HLCS: variants seen among roughly 807,000 people sequenced by gnomAD.
HLCS encodes the protein biotin--protein ligase.
A neutral mutation model predicts 75.0 loss-of-function variants in HLCS; 53 were observed. The ratio of observed to expected loss-of-function variants is 0.71; its 90% CI spans 0.57 to 0.89. The LOEUF is 0.89. HLCS is among the 40% of genes least tolerant of loss of function. The pLI is 0.00. For synonymous variants in HLCS, 431 were observed against 428.6 expected (o/e 1.01, Z -0.07); for missense variants, 966 against 1,074.0 (o/e 0.90, Z 1.41).
At chr21:36,882,864 A>C (rs2064290250) in intron 6 of HLCS, among the ~76,000 whole-genome samples, 1 of 152,172 alleles carries the variant, frequency 6.6e-6, no homozygotes, top group African/African-American at 2.4e-5. Flanking sequence ...CTCTGGAACC[A>C]AAGGGCAAAG....
At chr21:36,853,940 TAA>T (rs1454966131) in intron 6 of HLCS, among the ~76,000 whole-genome samples, 1 of 152,180 alleles carries the variant, frequency 6.6e-6, no homozygotes, top group Non-Finnish European at 1.5e-5. Context: ...GAGTGATTAA[TAA>T]AAGACTTTTC....
chr21:36,750,688 T>C lies in HLCS; in HGVS notation c.*3558A>G, dbSNP rs1046786605. Among the ~76,000 whole-genome samples, 1 of 151,364 alleles carries C rather than the reference T, an allele frequency of 6.6e-6. No homozygotes were observed. Among genetic ancestry groups the C allele is most frequent in the African/African-American group, 2.4e-5 (1 of 41,124 alleles). On this transcript the variant is annotated 3_prime_UTR_variant, in exon 11 of 11. Coordinates refer to ENST00000674895, the MANE Select transcript of HLCS (RefSeq NM_001352514.2). ...ATGAGATACAAAGAACATTTGCAAATAAATGCCATAAAATTACAGTAGCTT... is the reference window on the plus strand; with the variant it reads ...ATGAGATACAAAGAACATTTGCAAACAAATGCCATAAAATTACAGTAGCTT...
chr21:36,814,772 G>T (rs187216188), intron 6 of HLCS, among the ~76,000 whole-genome samples: 1 of 152,144 alleles, frequency 6.6e-6, no homozygotes, highest in Non-Finnish European at 1.5e-5. Context: ...GGATAGGGTC[G>T]TGGAGTCTGG....
chr21:36,961,509 C>T (rs991971975), intron 2 of HLCS, among the ~76,000 whole-genome samples: 1 of 151,972 alleles, frequency 6.6e-6, no homozygotes, highest in Non-Finnish European at 1.5e-5. Flanking sequence ...CACAATAAGA[C>T]CCTGTCTGAA....
Position 36,765,127 on chromosome 21 carries a change from G to A in HLCS, c.2006C>T (p.Ser669Phe). ...VWLSPVGCAL[S>F]TLLISIPLRS... Reference sequence around the variant, plus strand: ...CAGTGGAATGGAGATGAGCAGAGTAGAAAGAGCACATCCCACAGGGCTCAG... The same window carrying A: ...CAGTGGAATGGAGATGAGCAGAGTAAAAAGAGCACATCCCACAGGGCTCAG... The change falls in exon 8 of 11, where the codon TCT becomes TTT. Residue 669 changes from serine to phenylalanine, a missense_variant. By Grantham distance (155) the Ser-to-Phe change is radical. Transcript: ENST00000674895. 1.2e-6 allele frequency: 2 copies of A among 1,614,174 alleles called. No homozygotes were observed. The highest frequency in any genetic ancestry group is 1.7e-6 in the Non-Finnish European group (2 of 1,179,992).
chr21:36,883,734 C>A (rs182308205), intron 6 of HLCS, among the ~76,000 whole-genome samples: 30 of 152,300 alleles, frequency 2.0e-4, no homozygotes, highest in African/African-American at 7.0e-4. Flanking sequence ...TTGGTGGCCA[C>A]CCCACTCCGT....
intron 6 of HLCS, among the ~76,000 whole-genome samples, chr21:36,813,139 T>C (rs74570064): frequency 0.013 from 2,034 of 152,326 alleles, 37 homozygotes; most frequent in African/African-American, 0.046. Context: ...TTTGCAAATA[T>C]GTAAACTGCA....
chr21:36,978,690 G>C (rs1218849719), intron 1 of HLCS, among the ~76,000 whole-genome samples: 1 of 152,160 alleles, frequency 6.6e-6, no homozygotes, highest in Non-Finnish European at 1.5e-5. Flanking sequence ...GTGCGAAGCT[G>C]GCAGGACTGA....
intron 6 of HLCS, among the ~76,000 whole-genome samples, chr21:36,826,026 TA>T (rs1226080360): frequency 6.6e-6 from 1 of 150,452 alleles, no homozygotes; most frequent in African/African-American, 2.5e-5. Flanking sequence ...AGTAAGAAGT[TA>T]TTTTTTTTTT....
At chr21:36,829,964 C>A (rs1403174780) in intron 6 of HLCS, among the ~76,000 whole-genome samples, 1 of 152,216 alleles carries the variant, frequency 6.6e-6, no homozygotes, top group Non-Finnish European at 1.5e-5. Context: ...TATTGAAGTC[C>A]TCAACCTCAG....
intron 3 of HLCS, among the ~76,000 whole-genome samples, 168 bp downstream of exon 3, chr21:36,938,664 A>G (rs537622034): frequency 3.5e-4 from 53 of 151,782 alleles, no homozygotes; most frequent in Non-Finnish European, 6.3e-4. Flanking sequence ...ACACCCAGCT[A>G]ATTTTTTTGT....
At chr21:36,856,162 C>T (rs1400573292) in intron 6 of HLCS, among the ~76,000 whole-genome samples, 1 of 152,114 alleles carries the variant, frequency 6.6e-6, no homozygotes, top group Non-Finnish European at 1.5e-5. Flanking sequence ...GATGACCATA[C>T]AAGTGAGAAT....
At position 36,936,701 on chromosome 21, in the gene HLCS, T is replaced by A. The variant is rs979308593; in HGVS notation, c.1185A>T (p.Ser395=). 7 of 1,614,114 alleles carry A rather than the reference T, an allele frequency of 4.3e-6. No homozygotes were observed. In the Admixed American group the frequency reaches 1.2e-4, roughly 27 times the overall value. Residue 395 remains serine (S), a synonymous_variant, in exon 4 of 11, where the codon TCA becomes TCT. Transcript: ENST00000674895. Reference sequence around the variant, plus strand: ...CCTGAAAGCCACCAAAGGTGAAGGATGAAGACAGGCCCAACACCTTCCCTC... The same window carrying A: ...CCTGAAAGCCACCAAAGGTGAAGGAAGAAGACAGGCCCAACACCTTCCCTC... ...SQGGKVLGLS[S]SFTFGGFQVT...
intron 5 of HLCS, among the ~76,000 whole-genome samples, chr21:36,922,217 TC>T (rs1248275042): frequency 1.3e-5 from 2 of 152,154 alleles, no homozygotes; most frequent in Non-Finnish European, 2.9e-5. Context: ...AGTCTTTAAC[TC>T]CAATATCTCC....
chr21:36,955,780 C>T (rs1379080315), intron 2 of HLCS, among the ~76,000 whole-genome samples: 2 of 152,168 alleles, frequency 1.3e-5, no homozygotes, highest in Non-Finnish European at 2.9e-5. Context: ...ACTGACTCGC[C>T]CTGAGCCACT....
At chr21:36,780,795 C>A (rs890575947) in intron 6 of HLCS, among the ~76,000 whole-genome samples, 2 of 152,154 alleles carry the variant, frequency 1.3e-5, no homozygotes, top group Admixed American at 6.5e-5. Context: ...TGTTTCCCTA[C>A]AGCCTAACCA....
At chr21:36,965,652 G>A (rs1601907998) in intron 1 of HLCS, among the ~76,000 whole-genome samples, 1 of 152,294 alleles carries the variant, frequency 6.6e-6, no homozygotes, top group Middle Eastern at 3.4e-3. Flanking sequence ...AGAAGATGGA[G>A]AGGGAAAAGG....
At chr21:36,858,478 C>G (rs1417988420) in intron 6 of HLCS, among the ~76,000 whole-genome samples, 1 of 152,204 alleles carries the variant, frequency 6.6e-6, no homozygotes, top group East Asian at 1.9e-4. Context: ...ATTGAAACAG[C>G]ACTGAATATG....
intron 6 of HLCS, among the ~76,000 whole-genome samples, chr21:36,881,887 C>T (rs1489203341): frequency 2.6e-5 from 4 of 152,180 alleles, no homozygotes; most frequent in African/African-American, 9.7e-5. Context: ...GCCTTAATCC[C>T]AGCTACTAGG....
Sources: gnomAD v4.1 joint callset for allele counts (sites outside exome capture counted in the v4.1 genomes callset) on GRCh38, gnomAD v4.1.1 for gene constraint, MANE v1.5 for transcripts, NCBI Gene and HGNC (gene_info 2026-07-23, HGNC 2026-07-21) for gene names.